The following TMEFF1 variants were observed in gnomAD, a reference collection of about 807,000 sequenced individuals.
TMEFF1 encodes the protein transmembrane protein with EGF like and two follistatin like domains 1, also known as tomoregulin-1.
Under a neutral mutation model 47.5 loss-of-function variants are expected in TMEFF1, and 20 were observed. That is an observed-to-expected ratio of 0.42 (90% CI 0.30 to 0.61). TMEFF1 has a LOEUF of 0.61. Ranked by LOEUF, TMEFF1 falls within the 20% of genes least tolerant of loss-of-function variation. The probability of loss-of-function intolerance (pLI) is 0.19; values close to 1 mark genes in which losing one functional copy is unlikely to be tolerated. For missense variants in TMEFF1, 411 were observed against 471.1 expected, an observed-to-expected ratio of 0.87 and a Z score of 1.18; for synonymous variants, 162 against 166.3, an observed-to-expected ratio of 0.97 and a Z score of 0.20.
intron 1 of TMEFF1, among the ~76,000 whole-genome samples, chr9:100,475,138 C>G (rs1837196734): frequency 6.6e-6 from 1 of 152,154 alleles, no homozygotes; most frequent in Non-Finnish European, 1.5e-5. Flanking sequence ...AACCTTTATA[C>G]TTTTGGGCTC....
At chr9:100,528,487 A>T (rs918292948) in intron 5 of TMEFF1, among the ~76,000 whole-genome samples, 2 of 147,026 alleles carry the variant, frequency 1.4e-5, no homozygotes, top group Non-Finnish European at 3.0e-5. Context: ...AAGAAAGGGT[A>T]TCAGCGATGG....
chr9:100,551,723 C>T (rs922555986), intron 7 of TMEFF1, among the ~76,000 whole-genome samples: 13 of 152,178 alleles, frequency 8.5e-5, no homozygotes, highest in African/African-American at 3.1e-4. Flanking sequence ...TTATACTGGT[C>T]ATTTTACTGT....
intron 1 of TMEFF1, among the ~76,000 whole-genome samples, chr9:100,497,718 A>C (rs192687064): frequency 2.2e-4 from 34 of 152,242 alleles, no homozygotes; most frequent in Middle Eastern, 6.8e-3. Context: ...AAATCTAGAA[A>C]TAGAAAACAA....
intron 8 of TMEFF1, among the ~76,000 whole-genome samples, chr9:100,568,216 T>G (rs989849254): frequency 1.3e-5 from 2 of 152,196 alleles, no homozygotes; most frequent in African/African-American, 2.4e-5. Flanking sequence ...ATTGGTTCTT[T>G]TTGATACTCT....
At chr9:100,568,050 C>T (rs55991225) in intron 8 of TMEFF1, among the ~76,000 whole-genome samples, 2 of 152,170 alleles carry the variant, frequency 1.3e-5, no homozygotes, top group African/African-American at 4.8e-5. Flanking sequence ...TCAATCACCT[C>T]CCACTGGGTT....
At chr9:100,535,789 C>T (rs142764225) in intron 5 of TMEFF1, among the ~76,000 whole-genome samples, 112 of 152,232 alleles carry the variant, frequency 7.4e-4, no homozygotes, top group East Asian at 3.9e-4. Flanking sequence ...ACTAAACTAA[C>T]AACCACAAAG....
chr9:100,498,785 G>C lies in TMEFF1; in HGVS notation c.217G>C (p.Asp73His). Residue 73 changes from aspartate to histidine, a missense_variant, in exon 2 of 10, where the codon GAC (aspartate) becomes CAC (histidine). Physicochemically the swap from Asp to His is moderately conservative, Grantham distance 81. Transcript: ENST00000374879. ...TGCAGAATTAAATGTGAGGGAGTCT[G>C]ACGTAAGAGTTTGTGATGAGTCATC... ...NCSELNVRES[D>H]VRVCDESSCK... 1 of 1,613,364 alleles carries C rather than the reference G, an allele frequency of 6.2e-7. No homozygotes were observed.
At chr9:100,511,202 A>G (rs1490694836) in intron 3 of TMEFF1, among the ~76,000 whole-genome samples, 1 of 152,218 alleles carries the variant, frequency 6.6e-6, no homozygotes, top group African/African-American at 2.4e-5. Flanking sequence ...AATGATCTAG[A>G]AATTAAAGAG....
chr9:100,497,300 C>CTTTAAG (rs1331054749), intron 1 of TMEFF1, among the ~76,000 whole-genome samples: 2 of 117,014 alleles, frequency 1.7e-5, no homozygotes, highest in Non-Finnish European at 3.5e-5. Flanking sequence ...CTTTCTCTTG[C>CTTTAAG]TTTAAGTTTC....
intron 1 of TMEFF1, 61 bp from the exon 2 acceptor site, chr9:100,498,704 C>A: frequency 2.6e-6 from 4 of 1,515,450 alleles, no homozygotes; most frequent in Non-Finnish European, 3.6e-6. Flanking sequence ...CACACGCGCA[C>A]AGACACACAC....
At chr9:100,490,105 G>T (rs1837521902) in intron 1 of TMEFF1, among the ~76,000 whole-genome samples, 1 of 152,204 alleles carries the variant, frequency 6.6e-6, no homozygotes, top group Non-Finnish European at 1.5e-5. Context: ...GTTGGCAGTA[G>T]TATGCAAAAT....
intron 5 of TMEFF1, among the ~76,000 whole-genome samples, chr9:100,519,522 T>G (rs1013146100): frequency 6.6e-6 from 1 of 152,006 alleles, no homozygotes; most frequent in Non-Finnish European, 1.5e-5. Context: ...TGTGGGTATA[T>G]TCTTCTAATT....
chr9:100,561,662 C>T, intron 8 of TMEFF1, 142 bp downstream of exon 8: 1 of 1,276,176 alleles, frequency 7.8e-7, no homozygotes, highest in Non-Finnish European at 1.0e-6. Flanking sequence ...AAATCAGCAG[C>T]ATCATTTGGA....
chr9:100,559,381 A>G (rs1838972399), intron 7 of TMEFF1, among the ~76,000 whole-genome samples: 1 of 152,180 alleles, frequency 6.6e-6, no homozygotes, highest in African/African-American at 2.4e-5. Context: ...CAAGGTGATC[A>G]GTAGATGATA....
At chr9:100,492,187 T>C (rs1290299868) in intron 1 of TMEFF1, among the ~76,000 whole-genome samples, 1 of 152,224 alleles carries the variant, frequency 6.6e-6, no homozygotes, top group Non-Finnish European at 1.5e-5. Flanking sequence ...CCTGGCCTCC[T>C]CTTTCTTGAA....
At position 100,509,079 on chromosome 9, in the gene TMEFF1, T is replaced by C; in HGVS notation, c.381T>C (p.Ala127=). ...AAAATGAATGCTTTCTCAGAAGGGC[T>C]GCTTGTAAGCACCAGAAAGAGATAA... The part of the protein sequence containing the change: ...TYQNECFLRR[A]ACKHQKEITV... Residue 127 remains alanine (A), a synonymous_variant, in exon 3 of 10, where the codon GCT becomes GCC. Coordinates refer to ENST00000374879, the MANE Select transcript of TMEFF1 (RefSeq NM_003692.5). The C allele has an allele frequency of 1.2e-6, 2 of 1,600,728 alleles. No homozygotes were observed. The highest frequency in any genetic ancestry group is 2.7e-5 in the African/African-American group (2 of 74,360).
intron 3 of TMEFF1, among the ~76,000 whole-genome samples, chr9:100,512,998 AAATT>A (rs1320501532): frequency 1.3e-5 from 2 of 152,124 alleles, no homozygotes; most frequent in Admixed American, 1.3e-4. Context: ...GAGTGGATTA[AAATT>A]AATTATTTAT....
chr9:100,511,328 G>T lies in TMEFF1; in HGVS notation c.437-1979G>T, dbSNP rs140237437. Among the ~76,000 whole-genome samples the T allele has an allele frequency of 1.3e-3, 194 of 152,246 alleles. 4 individuals are homozygous for T. The East Asian group carries it at 0.032, about 25-fold the overall frequency. ...ATTAGGCAGCAAAGTGGTAGATTGG[G>T]AGCACTGTGCTAGGGTTACAAGACC... is the stretch of plus-strand genomic sequence containing the variant. On this transcript the variant is annotated intron_variant, in intron 3 of 9. Coordinates refer to ENST00000374879, the MANE Select transcript of TMEFF1 (RefSeq NM_003692.5).
chr9:100,527,382 C>T (rs10989135), intron 5 of TMEFF1, among the ~76,000 whole-genome samples: 28,215 of 152,092 alleles, frequency 0.19, 2,831 homozygotes, highest in South Asian at 0.31. Flanking sequence ...AGTGGGTGCG[C>T]GCACAGTGCG....
Sources: allele counts gnomAD v4.1 joint callset (sites outside exome capture counted in the v4.1 genomes callset), GRCh38; gene constraint gnomAD v4.1.1; transcripts MANE v1.5; gene names NCBI Gene and HGNC (gene_info 2026-07-23, HGNC 2026-07-21).